Variants in VPS13C observed in about 807,000 individuals in gnomAD.
The protein encoded by VPS13C is vacuolar protein sorting 13 homolog C.
A neutral mutation model predicts 456.8 loss-of-function variants in VPS13C; 358 were observed. The ratio of observed to expected loss-of-function variants is 0.78; its 90% confidence interval spans 0.72 to 0.86. The LOEUF is 0.86. VPS13C is among the 40% of genes least tolerant of loss of function. VPS13C has a pLI of 0.00. For synonymous variants in VPS13C, 1,578 were observed against 1,486.7 expected (o/e 1.06, Z -1.41); for missense variants, 4,818 against 4,385.4 (o/e 1.10, Z -2.79).
Position 61,896,873 on chromosome 15 carries a change from C to T in VPS13C, c.9106-6473G>A, listed in dbSNP as rs529538330. On this transcript the variant is annotated intron_variant, in intron 66 of 84. Transcript: ENST00000644861. The stretch of plus-strand genomic sequence containing the variant: ...CCCTGTCTGACAGCTTTGAAGAGAG[C>T]AGTGGTTCTCCCAGTATGCAGCTGG... 5.1e-3 allele frequency among the ~76,000 whole-genome samples: 783 copies of T among 152,320 alleles called. 7 individuals are homozygous for T. The highest frequency in any genetic ancestry group is 0.018 in the African/African-American group (754 of 41,578).
chr15:61,887,488 A>G (rs1242294100), intron 67 of VPS13C, among the ~76,000 whole-genome samples: 1 of 152,188 alleles, frequency 6.6e-6, no homozygotes, highest in Non-Finnish European at 1.5e-5. Flanking sequence ...TATAAGTTTG[A>G]GATCAGCCTA....
At chr15:61,991,562 G>A (rs1876117631) in intron 17 of VPS13C, 111 bp downstream of exon 17, 2 of 1,221,750 alleles carry the variant, frequency 1.6e-6, no homozygotes, top group Admixed American at 2.6e-5. Context: ...ACTATACTGA[G>A]GTAATTTATT....
chr15:61,992,789 T>C (rs1170581974), intron 16 of VPS13C, among the ~76,000 whole-genome samples: 1 of 152,048 alleles, frequency 6.6e-6, no homozygotes, highest in Non-Finnish European at 1.5e-5. Context: ...AGAAGCTTTA[T>C]GAGAAAAAAT....
At chr15:61,961,488 G>C (rs2045206080) in intron 35 of VPS13C, 101 bp downstream of exon 35, 1 of 1,202,692 alleles carries the variant, frequency 8.3e-7, no homozygotes. Flanking sequence ...TAATGGAACA[G>C]TTTATTTGAA....
rs759407607 is a variant in VPS13C at position 62,060,397 on chromosome 15, A to C, written c.-23T>G. The C allele has an allele frequency of 8.4e-6, 12 of 1,421,806 alleles. No individual in the cohort carries two copies. The East Asian group carries it at 2.9e-4, about 34-fold the overall frequency. 88.1% of individuals were successfully genotyped at this position (1,421,806 alleles called of 1,614,324 possible). ...CATGGTGGCGCTGAGGCACAAGGAG[A>C]GGGAGGAGCCGGAACCGCCCGGCGC... On this transcript the variant is annotated 5_prime_UTR_variant, in exon 1 of 85. Coordinates refer to ENST00000644861, the MANE Select transcript of VPS13C (RefSeq NM_020821.3).
Position 61,854,099 on chromosome 15 carries a change from T to C in VPS13C, c.*358A>G, listed in dbSNP as rs1893781570. On this transcript the variant is annotated 3_prime_UTR_variant, in exon 85 of 85. Coordinates refer to ENST00000644861, the MANE Select transcript of VPS13C (RefSeq NM_020821.3). ...AAAAAAACCTTTCAAAGAACACTAGTCATTCTAAGCTCATTTCTTATTCTT... is the reference window on the plus strand; with the variant it reads ...AAAAAAACCTTTCAAAGAACACTAGCCATTCTAAGCTCATTTCTTATTCTT... 1 of 212,172 alleles carries C rather than the reference T, an allele frequency of 4.7e-6. No homozygotes were observed. The highest frequency in any genetic ancestry group is 2.3e-5 in the African/African-American group (1 of 43,430). The allele number at this position is 212,172 out of a possible 1,614,324, so 13.1% of individuals were successfully genotyped here.
intron 59 of VPS13C, 64 bp from the exon 60 acceptor site, chr15:61,917,699 T>C (rs1741050431): frequency 6.6e-7 from 1 of 1,517,628 alleles, no homozygotes; most frequent in Admixed American, 2.0e-5. Context: ...AGCATCTCAT[T>C]AAATCTTCCT....
At chr15:61,959,361 G>C in intron 36 of VPS13C, 87 bp downstream of exon 36, 3 of 1,216,648 alleles carry the variant, frequency 2.5e-6, no homozygotes, top group Non-Finnish European at 3.3e-6. Context: ...TTCAGCAAAA[G>C]AGTCTACATT....
intron 24 of VPS13C, 82 bp from the exon 25 acceptor site, chr15:61,974,499 A>T: frequency 7.0e-7 from 1 of 1,435,110 alleles, no homozygotes; most frequent in Non-Finnish European, 9.5e-7. Flanking sequence ...TAATTAGATT[A>T]AAACATGCCT....
Position 62,035,037 on chromosome 15 carries a change from T to G in VPS13C, c.203A>C (p.Lys68Thr). ...KAGQIDKLTLKIPWKNLYGEA... is the reference protein window; with the variant it reads ...KAGQIDKLTLTIPWKNLYGEA... ...TCCATAAAGGTTCTTCCAAGGAATCTTCAAAGTTAATTTATCTAAGGAAAC... is the reference window on the plus strand; with the variant it reads ...TCCATAAAGGTTCTTCCAAGGAATCGTCAAAGTTAATTTATCTAAGGAAAC... Residue 68 changes from lysine to threonine, a missense_variant, in exon 4 of 85, where the codon AAG becomes ACG. Lys to Thr is a moderately conservative substitution (Grantham distance 78, BLOSUM62 -1). This residue lies in a region of VPS13C where 4,552 missense variants were observed against 4,130.6 expected (regional missense o/e 1.10). Coordinates refer to ENST00000644861, the MANE Select transcript of VPS13C (RefSeq NM_020821.3). The G allele has an allele frequency of 6.2e-7, 1 of 1,606,244 alleles. No individual in the cohort carries two copies. The highest frequency in any genetic ancestry group is 2.2e-5 in the East Asian group (1 of 44,630).
intron 67 of VPS13C, among the ~76,000 whole-genome samples, chr15:61,887,001 G>C (rs1283143552): frequency 6.6e-6 from 1 of 152,100 alleles, no homozygotes; most frequent in African/African-American, 2.4e-5. Context: ...TTAGGAACAA[G>C]GCAAGTATTT....
chr15:61,909,202 A>C, intron 64 of VPS13C, 77 bp from the exon 65 acceptor site: 1 of 1,556,916 alleles, frequency 6.4e-7, no homozygotes, highest in Non-Finnish European at 8.7e-7. Context: ...AATATTACGT[A>C]AAACACAAAA....
intron 66 of VPS13C, among the ~76,000 whole-genome samples, chr15:61,901,610 C>T (rs1387844060): frequency 3.3e-5 from 5 of 152,104 alleles, no homozygotes; most frequent in African/African-American, 7.2e-5. Flanking sequence ...AGTCAGGAAA[C>T]AACAGGTGCT....
At chr15:61,932,939 T>G (rs1279422490) in intron 49 of VPS13C, among the ~76,000 whole-genome samples, 1 of 152,108 alleles carries the variant, frequency 6.6e-6, no homozygotes, top group East Asian at 1.9e-4. Context: ...AACACAATGT[T>G]TATTAGTGGA....
In VPS13C at chr15:61,863,430, A is replaced by T. The variant is rs1277803719; in HGVS notation, c.10952+10T>A. On this transcript the variant is annotated intron_variant, in intron 82 of 84. Transcript: ENST00000644861. ...GTACTATTTGGAAAAATGTCACTTC[A>T]AGTCAGTACCTATTTGTAACCATAA... 1.3e-6 allele frequency: 2 copies of T among 1,599,822 alleles called. No homozygotes were observed.
In VPS13C at chr15:61,864,616, T is replaced by C. The variant is rs537180209; in HGVS notation, c.10864-1088A>G. 7.1e-6 allele frequency: 7 copies of C among 984,564 alleles called. No individual in the cohort carries two copies. In the African/African-American group the frequency reaches 1.2e-4, roughly 17 times the overall value. The allele number at this position is 984,564 out of a possible 1,614,324, so 61.0% of individuals were successfully genotyped here. ...TTGATATTATTTCAATGCTTAAATA[T>C]ACATTTTTTAAAGTTGCTTGGTACC... On this transcript the variant is annotated intron_variant, in intron 81 of 84. Transcript: ENST00000644861.
At chr15:61,937,662 G>C (rs143955163) in intron 47 of VPS13C, among the ~76,000 whole-genome samples, 1 of 152,282 alleles carries the variant, frequency 6.6e-6, no homozygotes, top group Non-Finnish European at 1.5e-5. Context: ...TTTTAGTAGA[G>C]ACGTGGTTTC....
At chr15:61,983,462 T>C (rs941968495) in intron 20 of VPS13C, among the ~76,000 whole-genome samples, 2 of 152,222 alleles carry the variant, frequency 1.3e-5, no homozygotes, top group Non-Finnish European at 2.9e-5. Flanking sequence ...TCTTTGAATT[T>C]GTTCCAAACA....
rs1334705637 is a variant in VPS13C at position 61,882,621 on chromosome 15, A to G, written c.9599T>C (p.Leu3200Ser). ...EFKQSSHQRS[L>S]RARLYWLQVD... is the part of the protein sequence containing the mutation. The stretch of plus-strand genomic sequence containing the variant: ...CTGAAGCCAGTACAACCTGGCCCTT[A>G]AACTTCTCTGGTGAGAAGACTGCTT... Residue 3200 changes from leucine (L) to serine (S), a missense_variant, in exon 69 of 85, where the codon TTA becomes TCA. Physicochemically the swap from Leu to Ser is moderately radical, Grantham distance 145. This residue lies in a region of VPS13C where 4,552 missense variants were observed against 4,130.6 expected (regional missense o/e 1.10). Transcript: ENST00000644861. The G allele has an allele frequency of 3.8e-6, 6 of 1,575,016 alleles. 1 individual carries two copies. The highest frequency in any genetic ancestry group is 4.3e-6 in the Non-Finnish European group (5 of 1,162,582).
Sources: allele counts gnomAD v4.1 joint callset (sites outside exome capture counted in the v4.1 genomes callset), GRCh38; gene constraint gnomAD v4.1.1; regional missense constraint gnomAD v4.1.1; transcripts MANE v1.5; gene names NCBI Gene and HGNC (gene_info 2026-07-23, HGNC 2026-07-21).